Variants in CD86 observed in about 807,000 individuals in gnomAD.
CD86 encodes the protein T-lymphocyte activation antigen CD86.
In CD86, 11 loss-of-function variants were observed where a neutral mutation model predicts 32.1. The ratio of observed to expected loss-of-function variants is 0.34; its 90% CI spans 0.22 to 0.57. CD86 has a LOEUF of 0.57. Ranked by LOEUF, CD86 falls within the 20% of genes least tolerant of loss-of-function variation. CD86 has a pLI of 0.86. For missense variants in CD86, 359 were observed against 398.4 expected, an observed-to-expected ratio of 0.90 and a Z score of 0.84; for synonymous variants, 137 against 135.3, an observed-to-expected ratio of 1.01 and a Z score of -0.09.
At chr3:122,112,748 A>G (rs1295372668) in intron 5 of CD86, among the ~76,000 whole-genome samples, 1 of 152,202 alleles carries the variant, frequency 6.6e-6, no homozygotes, top group Non-Finnish European at 1.5e-5. Flanking sequence ...TGTCATGGGT[A>G]TAAAAGGATA....
chr3:122,098,008 C>T (rs143062744), intron 2 of CD86, among the ~76,000 whole-genome samples: 252 of 152,274 alleles, frequency 1.7e-3, no homozygotes, highest in African/African-American at 5.8e-3. Flanking sequence ...TCAGAGACTG[C>T]CATGCACTGA....
In CD86 at chr3:122,112,894, T is replaced by G. The variant is rs151189374; in HGVS notation, c.847+3486T>G. Among the ~76,000 whole-genome samples the G allele has an allele frequency of 3.4e-3, 521 of 152,256 alleles. 4 individuals are homozygous for G. The highest frequency in any genetic ancestry group is 0.012 in the African/African-American group (502 of 41,538). Reference sequence around the variant, plus strand: ...GGAACTACTGAACTAAACTAGGTGGTTTTTGGTTACATGGATAAGTTATTT... The same window carrying G: ...GGAACTACTGAACTAAACTAGGTGGGTTTTGGTTACATGGATAAGTTATTT... On this transcript the variant is annotated intron_variant, in intron 5 of 6. Transcript: ENST00000330540.
chr3:122,100,738 G>A lies in CD86; in HGVS notation c.65-2774G>A, dbSNP rs376227394. Among the ~76,000 whole-genome samples the A allele has an allele frequency of 6.3e-4, 96 of 152,234 alleles. 1 individual carries two copies. In the South Asian group the frequency reaches 0.017, roughly 27 times the overall value. ...CAAATTCCTTCAGCTGATTACGAAG[G>A]CATCTAGCTGGATTCTTGAGCGACT... On this transcript the variant is annotated intron_variant, in intron 2 of 6. Coordinates refer to ENST00000330540, the MANE Select transcript of CD86 (RefSeq NM_175862.5).
At chr3:122,099,935 G>A (rs1163761208) in intron 2 of CD86, among the ~76,000 whole-genome samples, 2 of 152,138 alleles carry the variant, frequency 1.3e-5, no homozygotes, top group Non-Finnish European at 2.9e-5. Flanking sequence ...TGATTAAGTT[G>A]AACAACAGTT....
intron 1 of CD86, among the ~76,000 whole-genome samples, chr3:122,088,624 T>C (rs1426453062): frequency 1.3e-5 from 2 of 152,168 alleles, no homozygotes; most frequent in Admixed American, 6.5e-5. Context: ...GTGAGCTTCC[T>C]CATACTAAAT....
intron 1 of CD86, among the ~76,000 whole-genome samples, chr3:122,062,426 G>A (rs1011258642): frequency 1.1e-4 from 16 of 152,126 alleles, no homozygotes; most frequent in Admixed American, 5.9e-4. Flanking sequence ...TTTGTTCCAG[G>A]CACTGTGCTA....
intron 1 of CD86, chr3:122,086,611 G>C (rs550145818): frequency 6.3e-6 from 3 of 479,346 alleles, no homozygotes; most frequent in African/African-American, 3.9e-5. Context: ...GCTGGTGCCT[G>C]TCCAGGTTAA....
intron 4 of CD86, among the ~76,000 whole-genome samples, chr3:122,107,591 T>C (rs1467160705): frequency 6.6e-6 from 1 of 152,212 alleles, no homozygotes; most frequent in Non-Finnish European, 1.5e-5. Flanking sequence ...GTGGTCTGCA[T>C]CTACCCTGTC....
intron 2 of CD86, among the ~76,000 whole-genome samples, chr3:122,100,478 A>G (rs2072981560): frequency 6.6e-6 from 1 of 151,926 alleles, no homozygotes; most frequent in African/African-American, 2.4e-5. Context: ...AGGGCCAAGT[A>G]AAACTTTGGA....
At chr3:122,075,691 G>T (rs990472563) in intron 1 of CD86, among the ~76,000 whole-genome samples, 4 of 152,224 alleles carry the variant, frequency 2.6e-5, no homozygotes, top group East Asian at 3.9e-4. Flanking sequence ...GAGAATAAGA[G>T]AATTCCATGA....
At chr3:122,103,275 C>G (rs1475214340) in intron 2 of CD86, among the ~76,000 whole-genome samples, 1 of 151,990 alleles carries the variant, frequency 6.6e-6, no homozygotes. Context: ...GATGAGGAAA[C>G]TGAGGCTCAT....
Position 122,093,624 on chromosome 3 carries a change from T to C in CD86, c.64+1974T>C, listed in dbSNP as rs141917087. On this transcript the variant is annotated intron_variant, in intron 2 of 6. Coordinates refer to ENST00000330540, the MANE Select transcript of CD86 (RefSeq NM_175862.5). ...GCATAGAAAAGATACAGTAAAAATA[T>C]GGTGTTATAATCTTATGGGACCACC... Among the ~76,000 whole-genome samples, 371 of 152,320 alleles carry C rather than the reference T, an allele frequency of 2.4e-3. 1 individual carries two copies. Among genetic ancestry groups the C allele is most frequent in the African/African-American group, 8.6e-3 (356 of 41,574 alleles).
intron 1 of CD86, among the ~76,000 whole-genome samples, chr3:122,088,246 T>C (rs2072757200): frequency 6.6e-6 from 1 of 151,554 alleles, no homozygotes; most frequent in Non-Finnish European, 1.5e-5. Flanking sequence ...TCACTGTCAT[T>C]TTATATTGAA....
chr3:122,101,513 A>AAAAAAAAATATATATAT (rs1202377219), intron 2 of CD86, among the ~76,000 whole-genome samples: 1 of 46,332 alleles, frequency 2.2e-5, no homozygotes, highest in African/African-American at 8.5e-5. Context: ...AAAAAAAAAA[A>AAAAAAAAATATATATAT]ATATATATAT....
intron 4 of CD86, among the ~76,000 whole-genome samples, chr3:122,108,334 C>T (rs543360638): frequency 2.0e-5 from 3 of 152,198 alleles, no homozygotes. Context: ...GTAAGTATAA[C>T]CCCTAACCCC....
intron 1 of CD86, among the ~76,000 whole-genome samples, chr3:122,074,979 C>T (rs895057116): frequency 6.6e-6 from 1 of 152,084 alleles, no homozygotes; most frequent in African/African-American, 2.4e-5. Flanking sequence ...CGGTTGGCCC[C>T]ACTCCACCCT....
chr3:122,073,416 C>G (rs1479683485), intron 1 of CD86, among the ~76,000 whole-genome samples: 1 of 151,714 alleles, frequency 6.6e-6, no homozygotes, highest in Non-Finnish European at 1.5e-5. Context: ...TTTTGGATAC[C>G]AGCCCTTTAT....
At chr3:122,087,511 C>T (rs999995454) in intron 1 of CD86, among the ~76,000 whole-genome samples, 2 of 152,180 alleles carry the variant, frequency 1.3e-5, no homozygotes, top group South Asian at 2.1e-4. Context: ...CGCACACACA[C>T]ATCACACATC....
chr3:122,112,641 G>T (rs2073192867), intron 5 of CD86, among the ~76,000 whole-genome samples: 1 of 152,152 alleles, frequency 6.6e-6, no homozygotes, highest in South Asian at 2.1e-4. Flanking sequence ...CCTTCAAAAT[G>T]CTGAATTTGT....
Sources: gnomAD v4.1 joint callset for allele counts (sites outside exome capture counted in the v4.1 genomes callset) on GRCh38, gnomAD v4.1.1 for gene constraint, MANE v1.5 for transcripts, NCBI Gene and HGNC (gene_info 2026-07-23, HGNC 2026-07-21) for gene names.